The following PKP4 variants were observed in gnomAD, a reference collection of about 807,000 sequenced individuals.
The protein encoded by PKP4 is plakophilin 4, also known as plakophilin-4.
PKP4 carries 90 observed loss-of-function variants against 145.1 expected under a neutral mutation model. That is an observed-to-expected ratio of 0.62 (90% CI 0.52 to 0.74). The LOEUF (loss-of-function observed/expected upper bound fraction) is 0.74, where lower values mean the gene tolerates loss of function less well. Among genes scored for constraint, PKP4 ranks in the 30% least tolerant of loss-of-function variants. PKP4 has a pLI of 0.00. For synonymous variants in PKP4, 563 were observed against 577.2 expected, an observed-to-expected ratio of 0.98 and a Z score of 0.35; for missense variants, 1,340 against 1,482.7, an observed-to-expected ratio of 0.90 and a Z score of 1.58.
intron 11 of PKP4, among the ~76,000 whole-genome samples, chr2:158,646,448 C>T (rs2054834377): frequency 6.6e-6 from 1 of 152,166 alleles, no homozygotes; most frequent in Non-Finnish European, 1.5e-5. Context: ...GTCTAACTAA[C>T]ATGAAACAAG....
chr2:158,646,859 G>A (rs143311998), intron 11 of PKP4, among the ~76,000 whole-genome samples: 3 of 152,248 alleles, frequency 2.0e-5, no homozygotes, highest in Non-Finnish European at 4.4e-5. Flanking sequence ...ATTACCTGGT[G>A]GGGTTAAGTC....
At chr2:158,636,701 A>C (rs2053840581) in intron 9 of PKP4, among the ~76,000 whole-genome samples, 1 of 152,020 alleles carries the variant, frequency 6.6e-6, no homozygotes. Flanking sequence ...TTCATTTTTT[A>C]AATCTTTTTT....
At chr2:158,677,142 T>C (rs1267600943) in intron 20 of PKP4, 1 of 417,136 alleles carries the variant, frequency 2.4e-6, no homozygotes, top group Non-Finnish European at 4.6e-6. Context: ...CATTTCTGGC[T>C]GCTCACTGGC....
intron 2 of PKP4, among the ~76,000 whole-genome samples, chr2:158,569,483 G>T (rs1403601684): frequency 6.6e-6 from 1 of 152,196 alleles, no homozygotes; most frequent in African/African-American, 2.4e-5. Context: ...GTGATGCAAT[G>T]TCAGCAGTTT....
intron 6 of PKP4, among the ~76,000 whole-genome samples, chr2:158,624,155 A>G (rs1376335012): frequency 6.6e-6 from 1 of 152,206 alleles, no homozygotes; most frequent in Non-Finnish European, 1.5e-5. Context: ...AATTAAAGCT[A>G]AGAACTCATA....
intron 1 of PKP4, among the ~76,000 whole-genome samples, chr2:158,477,585 A>C (rs1559195767): frequency 6.6e-6 from 1 of 152,228 alleles, no homozygotes; most frequent in Non-Finnish European, 1.5e-5. Flanking sequence ...AAGAAGAAAG[A>C]AGTATCAGTC....
intron 1 of PKP4, among the ~76,000 whole-genome samples, chr2:158,491,909 G>A (rs1221006684): frequency 6.6e-6 from 1 of 151,914 alleles, no homozygotes; most frequent in Non-Finnish European, 1.5e-5. Flanking sequence ...AGCCCCTCAT[G>A]TCAGCCACCC....
chr2:158,524,337 TAAAGAA>T (rs1430475756), intron 1 of PKP4, among the ~76,000 whole-genome samples: 1 of 29,718 alleles, frequency 3.4e-5, no homozygotes, highest in African/African-American at 1.1e-4. Flanking sequence ...TCAACATTCT[TAAAGAA>T]AAGAATTTTC....
chr2:158,636,416 T>C (rs1376036067), intron 9 of PKP4, among the ~76,000 whole-genome samples: 3 of 152,196 alleles, frequency 2.0e-5, no homozygotes, highest in African/African-American at 7.2e-5. Context: ...CTTCTCATTA[T>C]GTAATGTGTC....
At chr2:158,559,022 G>A (rs1038115732) in intron 2 of PKP4, among the ~76,000 whole-genome samples, 1 of 152,114 alleles carries the variant, frequency 6.6e-6, no homozygotes, top group Non-Finnish European at 1.5e-5. Context: ...GTAGGATGTT[G>A]GGTTAGTTTT....
rs570420824 is a variant in PKP4, at chr2:158,507,638, A to G, written c.-5-25542A>G. Among the ~76,000 whole-genome samples the G allele has an allele frequency of 1.4e-4, 22 of 152,332 alleles. 1 individual carries two copies. Among genetic ancestry groups the G allele is most frequent in the Admixed American group, 6.5e-4 (10 of 15,302 alleles). Reference sequence around the variant, plus strand: ...CTTGGTTTGTTTTTTTAAATTTAAAAAAGAATTTCAGTTCTTTTGTGACCA... The same window carrying G: ...CTTGGTTTGTTTTTTTAAATTTAAAGAAGAATTTCAGTTCTTTTGTGACCA... On this transcript the variant is annotated intron_variant, in intron 1 of 21. Coordinates refer to ENST00000389759, the MANE Select transcript of PKP4 (RefSeq NM_003628.6).
intron 2 of PKP4, among the ~76,000 whole-genome samples, chr2:158,533,734 G>A (rs778852916): frequency 5.3e-5 from 8 of 152,118 alleles, no homozygotes; most frequent in Non-Finnish European, 1.2e-4. Flanking sequence ...TGTGATTTTT[G>A]GATAAAGGCT....
intron 1 of PKP4, among the ~76,000 whole-genome samples, chr2:158,513,305 C>T (rs2041670878): frequency 6.6e-6 from 1 of 151,992 alleles, no homozygotes; most frequent in East Asian, 1.9e-4. Flanking sequence ...AGCCTTGTTT[C>T]CTTTCTCTTG....
At chr2:158,580,548 A>T (rs908381590) in intron 3 of PKP4, among the ~76,000 whole-genome samples, 13 of 152,204 alleles carry the variant, frequency 8.5e-5, no homozygotes, top group African/African-American at 2.9e-4. Context: ...GAAGAACTTT[A>T]TTAGATCTTT....
intron 1 of PKP4, among the ~76,000 whole-genome samples, chr2:158,475,934 G>A (rs565031637): frequency 3.3e-5 from 5 of 152,166 alleles, no homozygotes; most frequent in African/African-American, 1.2e-4. Flanking sequence ...TCTCTAATAG[G>A]GACAGTCCAC....
chr2:158,459,252 G>A (rs1549086), intron 1 of PKP4, among the ~76,000 whole-genome samples: 139,009 of 152,226 alleles, frequency 0.91, 63,520 homozygotes, highest in East Asian at 0.98. Flanking sequence ...GTGTTTCTGG[G>A]TGTTGAAAAG....
At chr2:158,487,510 G>A (rs1694335789) in intron 1 of PKP4, among the ~76,000 whole-genome samples, 1 of 152,250 alleles carries the variant, frequency 6.6e-6, no homozygotes, top group Admixed American at 6.5e-5. Flanking sequence ...TCATACTGTT[G>A]CTATGAGTTA....
intron 3 of PKP4, among the ~76,000 whole-genome samples, chr2:158,595,800 A>G (rs1459924526): frequency 6.6e-6 from 1 of 152,184 alleles, no homozygotes; most frequent in Non-Finnish European, 1.5e-5. Context: ...CTTAAGAATC[A>G]TTAGTAGTTA....
intron 1 of PKP4, among the ~76,000 whole-genome samples, chr2:158,488,369 C>T (rs11694048): frequency 0.2 from 29,935 of 152,190 alleles, 3,791 homozygotes; most frequent in Middle Eastern, 0.34. Context: ...GACTCTTCAT[C>T]TGTTTTTATT....
Sources: allele counts gnomAD v4.1 joint callset (sites outside exome capture counted in the v4.1 genomes callset), GRCh38; gene constraint gnomAD v4.1.1; transcripts MANE v1.5; gene names NCBI Gene and HGNC (gene_info 2026-07-23, HGNC 2026-07-21).